EPHA5: variants seen among roughly 807,000 people sequenced by gnomAD.
EPHA5 encodes EPH receptor A5.
Under a neutral mutation model 105.0 loss-of-function variants are expected in EPHA5, and 60 were observed. The ratio of observed to expected loss-of-function variants is 0.57; its 90% CI spans 0.46 to 0.71. The LOEUF (loss-of-function observed/expected upper bound fraction) is 0.71, where lower values mean the gene tolerates loss of function less well. Among genes scored for constraint, EPHA5 ranks in the 30% least tolerant of loss-of-function variants. EPHA5 has a pLI of 0.00. For synonymous variants in EPHA5, 513 were observed against 449.1 expected, an observed-to-expected ratio of 1.14 and a Z score of -1.80; for missense variants, 1,218 against 1,274.7, an observed-to-expected ratio of 0.96 and a Z score of 0.68.
intron 2 of EPHA5, among the ~76,000 whole-genome samples, chr4:65,631,713 A>T (rs539598259): frequency 1.5e-5 from 2 of 130,396 alleles, no homozygotes; most frequent in African/African-American, 5.0e-5. Flanking sequence ...GCAGTTGGAC[A>T]TGTACCCTAA....
chr4:65,518,054 A>G (rs982666861), intron 3 of EPHA5, among the ~76,000 whole-genome samples: 3 of 151,956 alleles, frequency 2.0e-5, no homozygotes, highest in African/African-American at 7.2e-5. Context: ...TTTCTGTCTT[A>G]CAAATCAGAC....
intron 11 of EPHA5, among the ~76,000 whole-genome samples, chr4:65,362,968 G>A (rs1717477760): frequency 6.6e-6 from 1 of 151,644 alleles, no homozygotes; most frequent in Non-Finnish European, 1.5e-5. Flanking sequence ...TTCAAAAATT[G>A]TCATGTACGC....
At chr4:65,532,859 T>C (rs192337930) in intron 3 of EPHA5, among the ~76,000 whole-genome samples, 60 of 152,302 alleles carry the variant, frequency 3.9e-4, no homozygotes, top group Admixed American at 3.8e-3. Context: ...TAACATTTTA[T>C]GGCCATCATT....
rs187689242 is a variant in EPHA5, at chr4:65,644,509, T to C, written c.182-1082A>G. On this transcript the variant is annotated intron_variant, in intron 1 of 16. Transcript: ENST00000613740. ...CTTAAGCTGTATTCAAAAGCCAGTA[T>C]CTTGAAATGCTACCATTTCTAAAAG... Among the ~76,000 whole-genome samples, 3 of 152,168 alleles carry C rather than the reference T, an allele frequency of 2.0e-5. No homozygotes were observed. In the East Asian group the frequency reaches 5.8e-4, roughly 29 times the overall value.
intron 8 of EPHA5, among the ~76,000 whole-genome samples, chr4:65,379,982 A>G (rs910240668): frequency 7.9e-5 from 12 of 151,912 alleles, no homozygotes; most frequent in African/African-American, 2.9e-4. Context: ...TTTCACAGTA[A>G]CAGCTTGACA....
rs541262416 is a variant in EPHA5 at position 65,471,561 on chromosome 4, C to T, written c.1402+18816G>A. Among the ~76,000 whole-genome samples the T allele has an allele frequency of 4.6e-5, 7 of 152,204 alleles. No homozygotes were observed. In the East Asian group the frequency reaches 1.4e-3, roughly 29 times the overall value. ...CTGGGTGATTCATAAACAAAAGAGG[C>T]TTAATTGACTTACAGTTCCACATGG... On this transcript the variant is annotated intron_variant, in intron 5 of 16. Transcript: ENST00000613740.
chr4:65,402,262 A>C (rs1721917911), intron 8 of EPHA5, among the ~76,000 whole-genome samples: 1 of 152,062 alleles, frequency 6.6e-6, no homozygotes, highest in Non-Finnish European at 1.5e-5. Context: ...ACTTTTCTTT[A>C]TAAATTACCC....
intron 1 of EPHA5, among the ~76,000 whole-genome samples, chr4:65,651,213 T>C (rs1748580090): frequency 6.6e-6 from 1 of 152,166 alleles, no homozygotes; most frequent in Non-Finnish European, 1.5e-5. Context: ...CAGATTAAGG[T>C]TGGCAGAGTG....
At chr4:65,417,426 T>C (rs1232197930) in intron 6 of EPHA5, among the ~76,000 whole-genome samples, 1 of 152,212 alleles carries the variant, frequency 6.6e-6, no homozygotes, top group Non-Finnish European at 1.5e-5. Context: ...ATAGGTATAA[T>C]GTAGATATGC....
At chr4:65,468,091 A>C (rs1280835087) in intron 5 of EPHA5, among the ~76,000 whole-genome samples, 1 of 152,204 alleles carries the variant, frequency 6.6e-6, no homozygotes, top group Non-Finnish European at 1.5e-5. Flanking sequence ...TAATAAATCC[A>C]TGTTGTTTAA....
chr4:65,525,078 T>A (rs1028848330), intron 3 of EPHA5, among the ~76,000 whole-genome samples: 1 of 151,810 alleles, frequency 6.6e-6, no homozygotes, highest in Non-Finnish European at 1.5e-5. Context: ...GTATATCTCA[T>A]GCCTTAAGAA....
chr4:65,596,755 G>A (rs1041239202), intron 3 of EPHA5, among the ~76,000 whole-genome samples: 1 of 151,448 alleles, frequency 6.6e-6, no homozygotes, highest in Non-Finnish European at 1.5e-5. Context: ...TTCCATAATT[G>A]CCATCATTTG....
chr4:65,660,434 C>G (rs950433093), intron 1 of EPHA5, among the ~76,000 whole-genome samples: 7 of 152,162 alleles, frequency 4.6e-5, no homozygotes, highest in African/African-American at 1.7e-4. Context: ...TCCTTTTAAT[C>G]GTACAGTGTC....
Position 65,324,080 on chromosome 4 carries a change from A to G in EPHA5, c.*34T>C. 7.1e-7 allele frequency: 1 copy of G among 1,400,988 alleles called. No homozygotes were observed. Among genetic ancestry groups the G allele is most frequent in the Non-Finnish European group, 1.0e-6 (1 of 988,042 alleles). 86.8% of individuals were successfully genotyped at this position (1,400,988 alleles called of 1,614,324 possible). ...CTCAGTGCTGTTTACAAAGTGCAGA[A>G]TCATTCACTTGAAGAAGCGACATTT... is the stretch of plus-strand genomic sequence containing the variant. On this transcript the variant is annotated 3_prime_UTR_variant, in exon 17 of 17. Transcript: ENST00000613740.
Position 65,669,636 on chromosome 4 carries a change from C to T in EPHA5, c.107G>A (p.Arg36Gln), listed in dbSNP as rs2149571318. Reference protein sequence around the residue: ...ASLAGCYSAPRRAPLWTCLLL... With the variant: ...ASLAGCYSAPQRAPLWTCLLL... ...AAGGCACGTCCAGAGGGGAGCCCGT[C>T]GAGGTGCAGAGTAGCAGCCGGCCAG... The change falls in exon 1 of 17, where the codon CGA becomes CAA. Residue 36 changes from arginine to glutamine, a missense_variant. Around this residue, in one of 3 missense-constraint regions of EPHA5, gnomAD observed 233 missense variants for 227.5 expected, o/e 1.02. Coordinates refer to ENST00000613740, the MANE Select transcript of EPHA5 (RefSeq NM_001281766.3). The T allele has an allele frequency of 7.1e-7, 1 of 1,411,338 alleles. No individual in the cohort carries two copies. 87.4% of individuals were successfully genotyped at this position (1,411,338 alleles called of 1,614,324 possible).
intron 5 of EPHA5, among the ~76,000 whole-genome samples, chr4:65,430,010 T>C (rs1038884276): frequency 6.6e-6 from 1 of 152,002 alleles, no homozygotes; most frequent in African/African-American, 2.4e-5. Flanking sequence ...TGGTCAACCT[T>C]TTAAAGTCCA....
intron 11 of EPHA5, among the ~76,000 whole-genome samples, chr4:65,355,363 GA>G (rs1338579960): frequency 5.3e-5 from 8 of 151,700 alleles, no homozygotes; most frequent in African/African-American, 1.9e-4. Flanking sequence ...AATTGATAAT[GA>G]AATTTTTATC....
intron 7 of EPHA5, among the ~76,000 whole-genome samples, chr4:65,411,871 G>A (rs999674363): frequency 6.6e-6 from 1 of 152,100 alleles, no homozygotes; most frequent in Admixed American, 6.6e-5. Context: ...GTCACTTACA[G>A]CATCTTGAGC....
intron 3 of EPHA5, among the ~76,000 whole-genome samples, chr4:65,544,210 G>T (rs778698970): frequency 6.6e-6 from 1 of 151,918 alleles, no homozygotes; most frequent in Non-Finnish European, 1.5e-5. Flanking sequence ...TGAAACAAAA[G>T]CCAAAATTGA....
Sources: gnomAD v4.1 joint callset for allele counts (sites outside exome capture counted in the v4.1 genomes callset) on GRCh38, gnomAD v4.1.1 for gene constraint, gnomAD v4.1.1 regional missense constraint, MANE v1.5 for transcripts, NCBI Gene and HGNC (gene_info 2026-07-23, HGNC 2026-07-21) for gene names.